CCDC171: variants seen among roughly 807,000 people sequenced by gnomAD.
CCDC171 encodes the protein coiled-coil domain-containing protein 171.
In CCDC171, 177 loss-of-function variants were observed where a neutral mutation model predicts 168.2. The observed-to-expected ratio is 1.05, with a 90% CI of 0.93 to 1.19. CCDC171 has a LOEUF of 1.19. Ranked by LOEUF, CCDC171 falls within the 50% of genes most tolerant of loss-of-function variation. The pLI is 0.00. For synonymous variants in CCDC171, 687 were observed against 540.8 expected (o/e 1.27, Z -3.75); for missense variants, 1,991 against 1,539.0 (o/e 1.29, Z -4.91).
At chr9:15,993,317 C>G (rs1301811250) in intron 3 of CCDC171, among the ~76,000 whole-genome samples, 1 of 152,120 alleles carries the variant, frequency 6.6e-6, no homozygotes, top group Non-Finnish European at 1.5e-5. Context: ...TGATCTTTGA[C>G]AAACCTGACA....
At chr9:15,908,837 A>T (rs534386836) in intron 24 of CCDC171, among the ~76,000 whole-genome samples, 1 of 152,246 alleles carries the variant, frequency 6.6e-6, no homozygotes, top group South Asian at 2.1e-4. Flanking sequence ...GGGAGGTGCC[A>T]CATGGTTTTA....
chr9:15,798,661 T>C (rs550514144), intron 21 of CCDC171, among the ~76,000 whole-genome samples: 1 of 152,320 alleles, frequency 6.6e-6, no homozygotes, highest in South Asian at 2.1e-4. Flanking sequence ...TAAAGTTTTA[T>C]TGAAATGCTA....
intron 25 of CCDC171, among the ~76,000 whole-genome samples, chr9:15,965,870 A>G (rs1830742252): frequency 6.6e-6 from 1 of 152,220 alleles, no homozygotes; most frequent in South Asian, 2.1e-4. Context: ...AGTTCCTTCC[A>G]CCTTCAAAGC....
intron 21 of CCDC171, among the ~76,000 whole-genome samples, chr9:15,803,406 A>G (rs1236063251): frequency 6.6e-6 from 1 of 151,372 alleles, no homozygotes; most frequent in Non-Finnish European, 1.5e-5. Context: ...TTTTATATTG[A>G]AGTCTTTAAT....
At chr9:16,094,479 T>A in the CCDC171 span, among the ~76,000 whole-genome samples, 1 of 152,114 alleles carries the variant, frequency 6.6e-6, no homozygotes, top group Non-Finnish European at 1.5e-5. Context: ...AGAGTCACAA[T>A]CCAGGCCCAG....
At chr9:15,904,361 G>T (rs1036906406) in intron 24 of CCDC171, among the ~76,000 whole-genome samples, 3 of 152,136 alleles carry the variant, frequency 2.0e-5, no homozygotes, top group African/African-American at 7.2e-5. Flanking sequence ...AAGACAGTGG[G>T]GGCTAATATT....
At chr9:15,978,199 A>G (rs112792222), downstream of CCDC171, among the ~76,000 whole-genome samples, 1,078 of 152,336 alleles carry the variant, frequency 7.1e-3, 3 homozygotes, top group Non-Finnish European at 0.012. Flanking sequence ...CTGTGGTTAC[A>G]GAAGCACCAC....
At chr9:15,695,375 A>T (rs372720432) in intron 11 of CCDC171, 38 bp downstream of exon 11, 4 of 1,437,002 alleles carry the variant, frequency 2.8e-6, no homozygotes, top group Non-Finnish European at 3.9e-6. Context: ...GCATCTGTCA[A>T]TGTTCCAAAG....
At chr9:15,584,584 CCATGACCTA>C (rs1455841493) in intron 4 of CCDC171, among the ~76,000 whole-genome samples, 2 of 152,124 alleles carry the variant, frequency 1.3e-5, no homozygotes, top group African/African-American at 4.8e-5. Context: ...CATGAGGGCC[CCATGACCTA>C]CTTTCAGAGG....
At chr9:16,099,833 A>G in the CCDC171 span, among the ~76,000 whole-genome samples, 5 of 152,232 alleles carry the variant, frequency 3.3e-5, no homozygotes, top group Non-Finnish European at 5.9e-5. Context: ...AACTCAGAAC[A>G]GACACAAGTT....
intron 4 of CCDC171, among the ~76,000 whole-genome samples, chr9:15,589,095 C>A (rs1236644496): frequency 6.6e-6 from 1 of 152,046 alleles, no homozygotes; most frequent in Admixed American, 6.6e-5. Flanking sequence ...ACTAGAATGT[C>A]TCTGAAGTGG....
At chr9:15,732,926 C>G (rs978646887) in intron 16 of CCDC171, among the ~76,000 whole-genome samples, 1 of 152,070 alleles carries the variant, frequency 6.6e-6, no homozygotes, top group Non-Finnish European at 1.5e-5. Context: ...CTCTCACTAG[C>G]AATGTAAGAG....
At chr9:15,999,176 AC>A (rs1832459310) in intron 3 of CCDC171, among the ~76,000 whole-genome samples, 1 of 151,282 alleles carries the variant, frequency 6.6e-6, no homozygotes, top group Non-Finnish European at 1.5e-5. Flanking sequence ...GCATCACTGC[AC>A]TCCAGCCTGG....
chr9:16,083,818 T>C, the CCDC171 span, among the ~76,000 whole-genome samples: 1 of 152,238 alleles, frequency 6.6e-6, no homozygotes, highest in Non-Finnish European at 1.5e-5. Flanking sequence ...CTGATAGTCA[T>C]ATCTCCTGGA....
intron 1 of CCDC171, among the ~76,000 whole-genome samples, chr9:16,046,004 A>C (rs1011379358): frequency 3.3e-5 from 5 of 152,156 alleles, no homozygotes; most frequent in African/African-American, 1.2e-4. Flanking sequence ...TATCTCATTA[A>C]TTCCTCAAAT....
intron 18 of CCDC171, among the ~76,000 whole-genome samples, chr9:15,750,344 A>G (rs867089407): frequency 3.9e-5 from 6 of 152,194 alleles, no homozygotes; most frequent in African/African-American, 1.4e-4. Flanking sequence ...ACTCACCAAA[A>G]AAAGCCCAGG....
chr9:15,623,768 G>A (rs1054558636), intron 7 of CCDC171, among the ~76,000 whole-genome samples: 1 of 152,026 alleles, frequency 6.6e-6, no homozygotes, highest in Admixed American at 6.6e-5. Flanking sequence ...GGTGTACATA[G>A]GTTCTAAATC....
intron 11 of CCDC171, among the ~76,000 whole-genome samples, chr9:15,706,115 A>G (rs2052201647): frequency 6.6e-6 from 1 of 152,182 alleles, no homozygotes; most frequent in Non-Finnish European, 1.5e-5. Context: ...ATCAACTAAA[A>G]TTGAAGCACT....
chr9:15,883,143 C>A, intron 24 of CCDC171: 1 of 397,132 alleles, frequency 2.5e-6, no homozygotes. Flanking sequence ...ATCTTCCTGC[C>A]TCAGCCTGCT....
Sources: allele counts gnomAD v4.1 joint callset (sites outside exome capture counted in the v4.1 genomes callset), GRCh38; gene constraint gnomAD v4.1.1; transcripts MANE v1.5; gene names NCBI Gene and HGNC (gene_info 2026-07-23, HGNC 2026-07-21).